The following STPG2 variants were observed in gnomAD, a reference collection of about 807,000 sequenced individuals.
STPG2 encodes sperm-tail PG-rich repeat-containing protein 2.
STPG2 carries 56 observed loss-of-function variants against 54.2 expected under a neutral mutation model. That is an observed-to-expected ratio of 1.03 (90% CI 0.83 to 1.29). STPG2 has a LOEUF of 1.29. Among genes scored for constraint, STPG2 ranks in the 50% most tolerant of loss-of-function variants. The probability of loss-of-function intolerance (pLI) is 0.00; values close to 1 mark genes in which losing one functional copy is unlikely to be tolerated. For synonymous variants in STPG2, 200 were observed against 181.8 expected, an observed-to-expected ratio of 1.10 and a Z score of -0.81; for missense variants, 596 against 544.9, an observed-to-expected ratio of 1.09 and a Z score of -0.93.
At chr4:97,908,225 A>C (rs1347054216) in intron 8 of STPG2, among the ~76,000 whole-genome samples, 1 of 152,236 alleles carries the variant, frequency 6.6e-6, no homozygotes, top group Admixed American at 6.5e-5. Context: ...CACACTTCTC[A>C]AAAGAAGACA....
At chr4:98,039,694 A>ATC (rs1398217557) in intron 5 of STPG2, among the ~76,000 whole-genome samples, 67 of 143,774 alleles carry the variant, frequency 4.7e-4, no homozygotes, top group Admixed American at 2.1e-3. Flanking sequence ...ATATATATAT[A>ATC]TATATCTCAC....
chr4:97,637,797 G>C (rs1345885631), intron 10 of STPG2, among the ~76,000 whole-genome samples: 1 of 152,088 alleles, frequency 6.6e-6, no homozygotes, highest in Non-Finnish European at 1.5e-5. Context: ...GGATGTGAAG[G>C]ACCTCTTCAA....
At chr4:97,860,746 A>G (rs909408912) in intron 8 of STPG2, among the ~76,000 whole-genome samples, 2 of 152,070 alleles carry the variant, frequency 1.3e-5, no homozygotes, top group South Asian at 2.1e-4. Flanking sequence ...CCTCCTTTTT[A>G]TCAATTTAGA....
At chr4:97,918,091 T>C (rs1379079140) in intron 8 of STPG2, among the ~76,000 whole-genome samples, 9 of 152,108 alleles carry the variant, frequency 5.9e-5, no homozygotes, top group Admixed American at 3.9e-4. Flanking sequence ...CTAAATCTCA[T>C]GGCAAATGTT....
intron 4 of STPG2, among the ~76,000 whole-genome samples, chr4:97,469,843 T>G (rs1270460624): frequency 6.6e-6 from 1 of 151,904 alleles, no homozygotes; most frequent in Non-Finnish European, 1.5e-5. Flanking sequence ...GGAACATGTG[T>G]GCCAAAAAAA....
At chr4:97,972,802 T>G (rs1734379411) in intron 6 of STPG2, among the ~76,000 whole-genome samples, 1 of 152,108 alleles carries the variant, frequency 6.6e-6, no homozygotes, top group South Asian at 2.1e-4. Context: ...TCTGATGGTT[T>G]TAAAAATAGG....
intron 6 of STPG2, among the ~76,000 whole-genome samples, chr4:97,978,449 A>G (rs944615033): frequency 6.6e-6 from 1 of 152,208 alleles, no homozygotes; most frequent in African/African-American, 2.4e-5. Flanking sequence ...TATAAGTGGG[A>G]GCAAAATAAT....
intron 9 of STPG2, among the ~76,000 whole-genome samples, chr4:97,776,618 G>A (rs558737478): frequency 1.3e-4 from 20 of 152,116 alleles, no homozygotes; most frequent in Non-Finnish European, 2.4e-4. Flanking sequence ...TCTAGTGTTC[G>A]GAAGAAGTGG....
chr4:97,602,585 A>C (rs1733493028), intron 10 of STPG2, among the ~76,000 whole-genome samples: 1 of 151,840 alleles, frequency 6.6e-6, no homozygotes, highest in Admixed American at 6.6e-5. Context: ...AATTACATTA[A>C]CAAAAATTCC....
chr4:97,815,784 A>G (rs1206966319), intron 9 of STPG2, among the ~76,000 whole-genome samples: 1 of 152,128 alleles, frequency 6.6e-6, no homozygotes, highest in Non-Finnish European at 1.5e-5. Flanking sequence ...GTATGGTTTA[A>G]GTAGATTCAT....
chr4:97,688,334 G>T (rs1344845953), intron 10 of STPG2, among the ~76,000 whole-genome samples: 1 of 151,998 alleles, frequency 6.6e-6, no homozygotes, highest in Non-Finnish European at 1.5e-5. Context: ...ACAATTCAGA[G>T]TTTTTTGAAA....
chr4:98,085,341 T>C (rs887393794), intron 5 of STPG2, among the ~76,000 whole-genome samples: 2 of 152,120 alleles, frequency 1.3e-5, no homozygotes, highest in Non-Finnish European at 2.9e-5. Context: ...CCTGATTGAT[T>C]ATAAATCTTG....
At chr4:98,142,155 G>C (rs1740313134) in intron 1 of STPG2, among the ~76,000 whole-genome samples, 1 of 152,174 alleles carries the variant, frequency 6.6e-6, no homozygotes, top group Non-Finnish European at 1.5e-5. Flanking sequence ...ACCAGATACT[G>C]TGAAGCAGTA....
At chr4:98,143,018 G>C in intron 1 of STPG2, 24 bp downstream of exon 1, 1 of 1,590,988 alleles carries the variant, frequency 6.3e-7, no homozygotes, top group Non-Finnish European at 8.6e-7. Context: ...TGTCACAGGA[G>C]CTCTGCCTCT....
At chr4:97,718,050 T>G (rs968904093) in intron 9 of STPG2, among the ~76,000 whole-genome samples, 2 of 152,118 alleles carry the variant, frequency 1.3e-5, no homozygotes, top group African/African-American at 4.8e-5. Context: ...CAACATATAT[T>G]TGAAGTTCCC....
intron 8 of STPG2, among the ~76,000 whole-genome samples, chr4:97,913,639 G>C (rs1245360767): frequency 6.6e-6 from 1 of 152,138 alleles, no homozygotes; most frequent in Non-Finnish European, 1.5e-5. Context: ...GTCATCAGTA[G>C]TGGAACACAC....
chr4:97,526,823 C>T (rs537581654), intron 4 of STPG2, among the ~76,000 whole-genome samples: 2 of 151,916 alleles, frequency 1.3e-5, no homozygotes, highest in East Asian at 3.9e-4. Context: ...TACATTTAAG[C>T]CTTTAATCCA....
At chr4:97,778,048 G>C (rs188228752) in intron 9 of STPG2, among the ~76,000 whole-genome samples, 36 of 152,260 alleles carry the variant, frequency 2.4e-4, no homozygotes, top group Admixed American at 2.4e-3. Flanking sequence ...TCTCGCTGGG[G>C]TTCGTCAGAC....
intron 9 of STPG2, among the ~76,000 whole-genome samples, chr4:97,744,600 C>T (rs189992364): frequency 7.9e-4 from 120 of 151,400 alleles, no homozygotes; most frequent in Middle Eastern, 3.4e-3. Flanking sequence ...ATGCCTGAAA[C>T]TGTGGATGCT....
Sources: allele counts gnomAD v4.1 joint callset (sites outside exome capture counted in the v4.1 genomes callset), GRCh38; gene constraint gnomAD v4.1.1; transcripts MANE v1.5; gene names NCBI Gene and HGNC (gene_info 2026-07-23, HGNC 2026-07-21).